The following PRAMEF33 variants were observed in gnomAD, a reference collection of about 807,000 sequenced individuals.
The protein encoded by PRAMEF33 is PRAME family member 33.
PRAMEF33 carries 5 observed loss-of-function variants against 28.1 expected under a neutral mutation model. The ratio of observed to expected loss-of-function variants is 0.18; its 90% confidence interval spans 0.09 to 0.37. PRAMEF33 has a LOEUF of 0.37. Ranked by LOEUF, PRAMEF33 falls within the 10% of genes least tolerant of loss-of-function variation. PRAMEF33 has a pLI of 1.00. For missense variants in PRAMEF33, 62 were observed against 471.1 expected (o/e 0.13, Z 8.04); for synonymous variants, 28 against 183.2 (o/e 0.15, Z 6.84).
At chr1:13,304,078 C>G (rs1418333471) in intron 1 of PRAMEF33, 1 of 151,142 alleles carries the variant, frequency 6.6e-6, no homozygotes, top group African/African-American at 2.4e-5. Flanking sequence ...CATCCAACTG[C>G]CAACTTGCCT....
chr1:13,306,614 GCTTTTCCC>G lies in PRAMEF33; in HGVS notation c.288-21_288-14del. 9.9e-7 allele frequency: 1 copy of G among 1,013,136 alleles called. No homozygotes were observed. 62.8% of individuals were successfully genotyped at this position (1,013,136 alleles called of 1,614,324 possible). Reference sequence around the variant, plus strand: ...GGGTGGGTCCTTGCCTACATTCTGAGCTTTTCCCCTATGTTACTCATAGGAGGTGGAAA... The same window carrying G: ...GGGTGGGTCCTTGCCTACATTCTGAGCTATGTTACTCATAGGAGGTGGAAA... On this transcript the variant is annotated splice_polypyrimidine_tract_variant and intron_variant, in intron 2 of 3. Transcript: ENST00000437300.
In PRAMEF33 at chr1:13,306,857, G is replaced by A; in HGVS notation, c.507G>A (p.Gly169=). ...TLDECLSYLF[G]WIHYRRGLVH... ...ATGAATGCCTGAGCTACCTTTTTGG[G>A]TGGATCCACTACAGAAGAGGCCTAG... The change falls in exon 3 of 4, where the codon GGG becomes GGA. Residue 169 remains glycine, a synonymous_variant. Transcript: ENST00000437300. The A allele has an allele frequency of 1.6e-6, 2 of 1,220,916 alleles. 1 individual carries two copies. Among genetic ancestry groups the A allele is most frequent in the Non-Finnish European group, 2.3e-6 (2 of 878,178 alleles). The allele number at this position is 1,220,916 out of a possible 1,614,324, so 75.6% of individuals were successfully genotyped here.
chr1:13,308,590 T>C lies in PRAMEF33; in HGVS notation c.1128T>C (p.Cys376=), dbSNP rs199665892. Residue 376 remains cysteine, a synonymous_variant, in exon 4 of 4, where the codon TGT becomes TGC. Coordinates refer to ENST00000437300, the MANE Select transcript of PRAMEF33 (RefSeq NM_001291381.1). ...TCCTCCTGCCTGCCCTGAGCCACTG[T>C]TCCCAGCTCACCACCTTCAACTTTC... ...LRVLLPALSH[C]SQLTTFNFHG... is the part of the protein sequence containing the mutation. 91,569 of 1,182,180 alleles carry C rather than the reference T, an allele frequency of 0.077. 99 individuals carry two copies. Among genetic ancestry groups the C allele is most frequent in the Middle Eastern group, 0.12 (414 of 3,468 alleles). The allele number at this position is 1,182,180 out of a possible 1,614,324, so 73.2% of individuals were successfully genotyped here.
intron 3 of PRAMEF33, chr1:13,308,113 A>G (rs1639889043): frequency 4.3e-6 from 2 of 466,822 alleles, no homozygotes; most frequent in South Asian, 2.1e-5. Flanking sequence ...CTGAGTCTTC[A>G]TCAGGCAGCA....
chr1:13,304,227 C>T (rs1639835819), intron 1 of PRAMEF33: 1 of 150,476 alleles, frequency 6.6e-6, no homozygotes, highest in Non-Finnish European at 1.5e-5. Context: ...TGGTGCTTGG[C>T]CTCTACAAAA....
chr1:13,308,893 G>T lies in PRAMEF33; in HGVS notation c.*6G>T. 6.2e-7 allele frequency: 1 copy of T among 1,603,862 alleles called. No individual in the cohort carries two copies. The highest frequency in any genetic ancestry group is 1.1e-5 in the South Asian group (1 of 90,484). ...ACTTCCATCTTTGCTCCTAGGGAAGGCCTGGTTCGTGGGATGGATAAGCTT... is the reference window on the plus strand; with the variant it reads ...ACTTCCATCTTTGCTCCTAGGGAAGTCCTGGTTCGTGGGATGGATAAGCTT... On this transcript the variant is annotated 3_prime_UTR_variant, in exon 4 of 4. Coordinates refer to ENST00000437300, the MANE Select transcript of PRAMEF33 (RefSeq NM_001291381.1).
chr1:13,308,865 T>G lies in PRAMEF33; in HGVS notation c.1403T>G (p.Val468Gly), dbSNP rs1316570741. The G allele has an allele frequency of 1.7e-5, 28 of 1,605,240 alleles. No homozygotes were observed. Among genetic ancestry groups the G allele is most frequent in the Non-Finnish European group, 2.3e-5 (27 of 1,176,360 alleles). ...PTCGSWPSEK[V>G]DFHLCS The stretch of plus-strand genomic sequence containing the variant: ...TGTGGCTCATGGCCATCTGAGAAAG[T>G]GGACTTCCATCTTTGCTCCTAGGGA... The change falls in exon 4 of 4, where the codon GTG becomes GGG. Residue 468 changes from valine to glycine, a missense_variant. By Grantham distance (109) the Val-to-Gly change is moderately radical. Transcript: ENST00000437300.
chr1:13,306,641 G>A lies in PRAMEF33; in HGVS notation c.291G>A (p.Arg97=), dbSNP rs1639868337. The A allele has an allele frequency of 8.5e-7, 1 of 1,176,260 alleles. No homozygotes were observed. 72.9% of individuals were successfully genotyped at this position (1,176,260 alleles called of 1,614,324 possible). A position where few individuals can be genotyped will look rare whatever the true frequency, so the allele number is the denominator to read the frequency against. The change falls in exon 3 of 4, where the codon AGG becomes AGA. Residue 97 remains arginine, a synonymous_variant. Coordinates refer to ENST00000437300, the MANE Select transcript of PRAMEF33 (RefSeq NM_001291381.1). ...TTTTCCCCTATGTTACTCATAGGAGGTGGAAACTTCAAGTGCTGGATTTGC... is the reference window on the plus strand; with the variant it reads ...TTTTCCCCTATGTTACTCATAGGAGATGGAAACTTCAAGTGCTGGATTTGC... ...TLVAQKVRPR[R]WKLQVLDLQD...
At position 13,308,781 on chromosome 1, in the gene PRAMEF33, C is replaced by T. The variant is rs1178128102; in HGVS notation, c.1319C>T (p.Thr440Ile). ...CCAATTCGGGCTGAGCTGATGCGTACACTCAGGGAAGTCAGGCAGCCCAAG... is the reference window on the plus strand; with the variant it reads ...CCAATTCGGGCTGAGCTGATGCGTATACTCAGGGAAGTCAGGCAGCCCAAG... ...LTPIRAELMRTLREVRQPKRI... is the reference protein window; with the variant it reads ...LTPIRAELMRILREVRQPKRI... The change falls in exon 4 of 4, where the codon ACA becomes ATA. Residue 440 changes from threonine (T) to isoleucine (I), a missense_variant. Physicochemically the swap from Thr to Ile is moderately conservative, Grantham distance 89. Coordinates refer to ENST00000437300, the MANE Select transcript of PRAMEF33 (RefSeq NM_001291381.1). 32 of 1,597,078 alleles carry T rather than the reference C, an allele frequency of 2.0e-5. 1 individual carries two copies. Among genetic ancestry groups the T allele is most frequent in the Middle Eastern group, 2.3e-4 (1 of 4,384 alleles).
In PRAMEF33 at chr1:13,305,973, TCCAGACTG is replaced by T; in HGVS notation, c.21_28del (p.Arg8GlyfsTer20). ...TGTCAGAATGAGCCTCCAGGCCCCATCCAGACTGCTGGAGCTGGCAGGGCAGAGCCTGC... is the reference window on the plus strand; with the variant it reads ...TGTCAGAATGAGCCTCCAGGCCCCATCTGGAGCTGGCAGGGCAGAGCCTGC... On this transcript the variant is annotated frameshift_variant, in exon 2 of 4. Transcript: ENST00000437300. LOFTEE classifies it high-confidence loss of function. 1 of 1,609,418 alleles carries T rather than the reference TCCAGACTG, an allele frequency of 6.2e-7. No individual in the cohort carries two copies. Among genetic ancestry groups the T allele is most frequent in the African/African-American group, 1.3e-5 (1 of 74,964 alleles).
In PRAMEF33 at chr1:13,303,693, G is replaced by GT. The variant is rs1412318576; in HGVS notation, c.-26+115dup. ...ATGGCATAGAGTTATATCCTGTTTTGTTTTTTTTCTCATATGAACAATTTG... is the reference window on the plus strand; with the variant it reads ...ATGGCATAGAGTTATATCCTGTTTTGTTTTTTTTTCTCATATGAACAATTTG... On this transcript the variant is annotated intron_variant, in intron 1 of 3. Coordinates refer to ENST00000437300, the MANE Select transcript of PRAMEF33 (RefSeq NM_001291381.1). 9.8e-5 allele frequency: 6 copies of GT among 61,468 alleles called. No individual in the cohort carries two copies. The South Asian group carries it at 1.8e-3, about 19-fold the overall frequency. The allele number at this position is 61,468 out of a possible 1,614,324, so 3.8% of individuals were successfully genotyped here.
At position 13,306,172 on chromosome 1, in the gene PRAMEF33, C is replaced by CATCTGGATGAAGACACT; in HGVS notation, c.218_219insATCTGGATGAAGACACT (p.His74SerfsTer3). On this transcript the variant is annotated stop_gained and frameshift_variant, in exon 2 of 4. Transcript: ENST00000437300. LOFTEE classifies it high-confidence loss of function. ...CCTCTGGGATCCCTGATGAAGACAC[C>CATCTGGATGAAGACACT]TCATCTGGAGACCTTGCAAGCTGTC... is the stretch of plus-strand genomic sequence containing the variant. The CATCTGGATGAAGACACT allele has an allele frequency of 6.8e-7, 1 of 1,476,740 alleles. No individual in the cohort carries two copies. Among genetic ancestry groups the CATCTGGATGAAGACACT allele is most frequent in the Non-Finnish European group, 9.3e-7 (1 of 1,076,282 alleles). 91.5% of individuals were successfully genotyped at this position (1,476,740 alleles called of 1,614,324 possible). A position where few individuals can be genotyped will look rare whatever the true frequency, so the allele number is the denominator to read the frequency against.
In PRAMEF33 at chr1:13,304,260, G is replaced by C. The variant is rs1410117509; in HGVS notation, c.-26+674G>C. 6 of 148,360 alleles carry C rather than the reference G, an allele frequency of 4.0e-5. 1 individual carries two copies. Among genetic ancestry groups the C allele is most frequent in the Non-Finnish European group, 9.0e-5 (6 of 67,036 alleles). 9.2% of individuals were successfully genotyped at this position (148,360 alleles called of 1,614,324 possible). ...AAATATACATATTTTTTAATTAGCC[G>C]GGCATGGTAGCATGCATCTGTCTTC... On this transcript the variant is annotated intron_variant, in intron 1 of 3. Transcript: ENST00000437300.
chr1:13,306,679 A>G lies in PRAMEF33; in HGVS notation c.329A>G (p.Glu110Gly), dbSNP rs1229614832. Residue 110 changes from glutamate (E) to glycine (G), a missense_variant, in exon 3 of 4, where the codon GAG becomes GGG. Coordinates refer to ENST00000437300, the MANE Select transcript of PRAMEF33 (RefSeq NM_001291381.1). ...GTGCTGGATTTGCAGGATGTTGATG[A>G]GAATTTCTGGACCATATGGTCTGGA... The part of the protein sequence containing the change: ...LQVLDLQDVD[E>G]NFWTIWSGAR... 4.2e-3 allele frequency: 5,201 copies of G among 1,230,564 alleles called. 353 individuals carry two copies. In the African/African-American group the frequency reaches 0.071, roughly 17 times the overall value. The allele number at this position is 1,230,564 out of a possible 1,614,324, so 76.2% of individuals were successfully genotyped here. A position where few individuals can be genotyped will look rare whatever the true frequency, so the allele number is the denominator to read the frequency against.
At chr1:13,307,698 C>T (rs1243731133) in intron 3 of PRAMEF33, 1 of 38,706 alleles carries the variant, frequency 2.6e-5, no homozygotes, top group East Asian at 4.1e-4. Flanking sequence ...AGTGAATCCC[C>T]GTCTCTAATA....
At chr1:13,308,196 T>C (rs1639890522) in intron 3 of PRAMEF33, 133 bp from the exon 4 acceptor site, 1 of 648,998 alleles carries the variant, frequency 1.5e-6, no homozygotes, top group African/African-American at 1.8e-5. Flanking sequence ...CCCATTGCAG[T>C]TACTATAACA....
Position 13,305,706 on chromosome 1 carries a change from C to T in PRAMEF33, c.-25-224C>T, listed in dbSNP as rs1387834722. The T allele has an allele frequency of 1.3e-5, 7 of 538,264 alleles. No homozygotes were observed. The East Asian group carries it at 1.9e-4, about 15-fold the overall frequency. The allele number at this position is 538,264 out of a possible 1,614,324, so 33.3% of individuals were successfully genotyped here. A position where few individuals can be genotyped will look rare whatever the true frequency, so the allele number is the denominator to read the frequency against. On this transcript the variant is annotated intron_variant, in intron 1 of 3. Transcript: ENST00000437300. The stretch of plus-strand genomic sequence containing the variant: ...TTTATTGCAACAGTGGCTAATAATT[C>T]ATGGACTAGGAGGGATCTTGCCTGC...
Position 13,306,875 on chromosome 1 carries a change from AG to A in PRAMEF33, c.527del (p.Gly176AlafsTer2), listed in dbSNP as rs1639871648. On this transcript the variant is annotated frameshift_variant, in exon 3 of 4. Coordinates refer to ENST00000437300, the MANE Select transcript of PRAMEF33 (RefSeq NM_001291381.1). LOFTEE classifies it high-confidence loss of function. ...TTTTTGGGTGGATCCACTACAGAAGAGGCCTAGTGCACCTGTGTTGTAGTAA... is the reference window on the plus strand; with the variant it reads ...TTTTTGGGTGGATCCACTACAGAAGAGCCTAGTGCACCTGTGTTGTAGTAA... ...YLFGWIHYRR[G>X]LVHLCCSKVQ... 3 of 1,076,588 alleles carry A rather than the reference AG, an allele frequency of 2.8e-6. 1 individual carries two copies. The highest frequency in any genetic ancestry group is 4.0e-6 in the Non-Finnish European group (3 of 753,352). The allele number at this position is 1,076,588 out of a possible 1,614,324, so 66.7% of individuals were successfully genotyped here.
intron 1 of PRAMEF33, 180 bp from the exon 2 acceptor site, chr1:13,305,750 C>T (rs1368222687): frequency 1.7e-6 from 1 of 579,172 alleles, no homozygotes; most frequent in Admixed American, 3.0e-5. Context: ...GGTTGGGACA[C>T]ACTCTTCTTG....
Sources: gnomAD v4.1 joint callset for allele counts on GRCh38, gnomAD v4.1.1 for gene constraint, MANE v1.5 for transcripts, NCBI Gene and HGNC (gene_info 2026-07-23, HGNC 2026-07-21) for gene names.